MUC7: variants seen among roughly 807,000 people sequenced by gnomAD.
MUC7 encodes mucin-7.
A neutral mutation model predicts 2.5 loss-of-function variants in MUC7; 2 were observed. The observed-to-expected ratio is 0.81, with a 90% CI of 0.33 to 2.55. The LOEUF (loss-of-function observed/expected upper bound fraction) is 2.55. Among genes scored for constraint, MUC7 ranks in the 30% most tolerant of loss-of-function variants. MUC7 has a pLI of 0.11. For missense variants in MUC7, 408 were observed against 455.6 expected (o/e 0.90, Z 0.95); for synonymous variants, 133 against 173.4 (o/e 0.77, Z 1.83).
In MUC7 at chr4:70,465,375, G is replaced by C. The variant is rs1470970874; in HGVS notation, c.-92-6840G>C. ...AGGATCACAACTCCTTGCCAGCAAG[G>C]GAACAAAAGTGGACAGAGAATGAGT... is the stretch of plus-strand genomic sequence containing the variant. On this transcript the variant is annotated intron_variant, in intron 1 of 3. Transcript: ENST00000413702. 2.0e-5 allele frequency among the ~76,000 whole-genome samples: 3 copies of C among 152,132 alleles called. No individual in the cohort carries two copies. In the East Asian group the frequency reaches 5.8e-4, roughly 29 times the overall value.
chr4:70,481,802 A>G lies in MUC7; in HGVS notation c.1058A>G (p.Gln353Arg). ...TTKQPTSAPG[Q>R]NKISRFLLYM... is the part of the protein sequence containing the mutation. Reference sequence around the variant, plus strand: ...AAACAACCAACTTCAGCTCCTGGCCAAAATAAAATTTCTCGATTTCTTTTA... The same window carrying G: ...AAACAACCAACTTCAGCTCCTGGCCGAAATAAAATTTCTCGATTTCTTTTA... Residue 353 changes from glutamine to arginine, a missense_variant, in exon 3 of 3, where the codon CAA becomes CGA. Physicochemically the swap from Gln to Arg is conservative, Grantham distance 43. Transcript: ENST00000304887. The G allele has an allele frequency of 1.2e-6, 2 of 1,614,180 alleles. No individual in the cohort carries two copies. The highest frequency in any genetic ancestry group is 2.2e-5 in the South Asian group (2 of 91,090).
In MUC7 at chr4:70,481,622, C is replaced by A; in HGVS notation, c.878C>A (p.Ala293Asp). ...CCCACACCTTCTGCAACTACACCAGCTCCACCGTCTTCCCCAGCTCCACAA... is the reference window on the plus strand; with the variant it reads ...CCCACACCTTCTGCAACTACACCAGATCCACCGTCTTCCCCAGCTCCACAA... ...APPTPSATTP[A>D]PPSSPAPQET... The change falls in exon 3 of 3, where the codon GCT (alanine) becomes GAT (aspartate). Residue 293 changes from alanine (A) to aspartate (D), a missense_variant. By Grantham distance (126) the Ala-to-Asp change is moderately radical (BLOSUM62 -2). This residue lies in a region of MUC7 where 175 missense variants were observed against 187.1 expected (regional missense o/e 0.94). Coordinates refer to ENST00000304887, the MANE Select transcript of MUC7 (RefSeq NM_152291.3). 1.2e-6 allele frequency: 2 copies of A among 1,613,270 alleles called. No homozygotes were observed. Among genetic ancestry groups the A allele is most frequent in the Non-Finnish European group, 1.7e-6 (2 of 1,179,778 alleles).
chr4:70,451,487 G>A (rs111361567), intron 1 of MUC7, among the ~76,000 whole-genome samples: 145 of 152,268 alleles, frequency 9.5e-4, no homozygotes, highest in Middle Eastern at 3.4e-3. Context: ...TCCTTGTTGG[G>A]GGGTTATGAT....
chr4:70,446,704 A>T (rs1009981603), intron 1 of MUC7, among the ~76,000 whole-genome samples: 1 of 152,112 alleles, frequency 6.6e-6, no homozygotes, highest in Admixed American at 6.6e-5. Flanking sequence ...TCAATCTATA[A>T]CACCATTTAC....
intron 1 of MUC7, among the ~76,000 whole-genome samples, chr4:70,466,162 C>T (rs1050342023): frequency 3.3e-5 from 5 of 152,132 alleles, no homozygotes; most frequent in Admixed American, 3.3e-4. Context: ...CCAAACTAAG[C>T]TTCATAAGTG....
At chr4:70,431,523 G>C (rs1733666000) in intron 1 of MUC7, among the ~76,000 whole-genome samples, 1 of 152,008 alleles carries the variant, frequency 6.6e-6, no homozygotes, top group African/African-American at 2.4e-5. Context: ...AACTATTCTA[G>C]AAGTATATAA....
At chr4:70,431,855 G>A (rs547373797) in intron 1 of MUC7, among the ~76,000 whole-genome samples, 23 of 151,984 alleles carry the variant, frequency 1.5e-4, no homozygotes, top group Admixed American at 7.9e-4. Flanking sequence ...CCATTAACTC[G>A]TCAGTAACAT....
At position 70,474,011 on chromosome 4, in the gene MUC7, C is replaced by T. The variant is rs2306948; in HGVS notation, c.-11C>T. Reference sequence around the variant, plus strand: ...CCACATTTCTGCTTTTCCCAGGAGACATCAGAAAGAATGAAAACTCTGCCG... The same window carrying T: ...CCACATTTCTGCTTTTCCCAGGAGATATCAGAAAGAATGAAAACTCTGCCG... On this transcript the variant is annotated 5_prime_UTR_variant, in exon 2 of 3. Coordinates refer to ENST00000304887, the MANE Select transcript of MUC7 (RefSeq NM_152291.3). The T allele has an allele frequency of 0.16, 263,238 of 1,602,568 alleles. 23,521 individuals are homozygous for T. Among genetic ancestry groups the T allele is most frequent in the African/African-American group, 0.27 (20,432 of 74,502 alleles).
chr4:70,482,124 C>T lies in MUC7; in HGVS notation c.*246C>T, dbSNP rs537964850. On this transcript the variant is annotated 3_prime_UTR_variant, in exon 3 of 3. Transcript: ENST00000304887. The stretch of plus-strand genomic sequence containing the variant: ...AACTCTTTGGATCCTACAGAGATAG[C>T]CTACTGAGGGCAAAGAAAGTCCTTA... 3 of 497,462 alleles carry T rather than the reference C, an allele frequency of 6.0e-6. No individual in the cohort carries two copies. Among genetic ancestry groups the T allele is most frequent in the Admixed American group, 3.6e-5 (1 of 27,756 alleles). 30.8% of individuals were successfully genotyped at this position (497,462 alleles called of 1,614,324 possible). A position where few individuals can be genotyped will look rare whatever the true frequency, so the allele number is the denominator to read the frequency against.
intron 1 of MUC7, among the ~76,000 whole-genome samples, chr4:70,454,710 A>G (rs1734372908): frequency 6.6e-6 from 1 of 152,150 alleles, no homozygotes; most frequent in South Asian, 2.1e-4. Flanking sequence ...GGGGACTATC[A>G]GTGGAGGCTT....
chr4:70,460,903 A>T (rs1037299221), intron 1 of MUC7, among the ~76,000 whole-genome samples: 3 of 152,196 alleles, frequency 2.0e-5, no homozygotes, highest in Non-Finnish European at 2.9e-5. Flanking sequence ...TGAGGGACTC[A>T]GTGCAAGTTC....
chr4:70,464,350 G>A (rs957544673), intron 1 of MUC7, among the ~76,000 whole-genome samples: 1 of 152,304 alleles, frequency 6.6e-6, no homozygotes, highest in Non-Finnish European at 1.5e-5. Flanking sequence ...GCTAGCTGCA[G>A]AAGTTTTTTT....
chr4:70,470,491 T>C (rs1734809447), upstream of MUC7, among the ~76,000 whole-genome samples: 2 of 152,184 alleles, frequency 1.3e-5, no homozygotes, highest in Admixed American at 6.5e-5. Context: ...TCATAATATG[T>C]CCAGATATTC....
At chr4:70,461,177 C>A (rs1229364444) in intron 1 of MUC7, among the ~76,000 whole-genome samples, 1 of 152,186 alleles carries the variant, frequency 6.6e-6, no homozygotes. Flanking sequence ...ACTGTAGTGG[C>A]CTCTCCTAGA....
intron 2 of MUC7, among the ~76,000 whole-genome samples, chr4:70,479,238 C>A (rs1015575315): frequency 6.6e-6 from 1 of 152,142 alleles, no homozygotes; most frequent in Non-Finnish European, 1.5e-5. Context: ...AATTCTATGA[C>A]CTCTTTGCTT....
Position 70,465,003 on chromosome 4 carries a change from G to A in MUC7, c.-92-7212G>A, listed in dbSNP as rs145379088. On this transcript the variant is annotated intron_variant, in intron 1 of 3. Transcript: ENST00000413702. Reference sequence around the variant, plus strand: ...CAGACACCTCATTTAGGAGAGTTCCGGTTGGCATCTGGCAAGTGCCCCTCT... The same window carrying A: ...CAGACACCTCATTTAGGAGAGTTCCAGTTGGCATCTGGCAAGTGCCCCTCT... 9.9e-5 allele frequency among the ~76,000 whole-genome samples: 15 copies of A among 152,192 alleles called. No individual in the cohort carries two copies. In the South Asian group the frequency reaches 1.5e-3, roughly 15 times the overall value.
At chr4:70,464,561 G>C (rs1344882199) in intron 1 of MUC7, among the ~76,000 whole-genome samples, 1 of 152,142 alleles carries the variant, frequency 6.6e-6, no homozygotes, top group East Asian at 1.9e-4. Flanking sequence ...GCGTGGTCGG[G>C]GGAGGGGAAT....
At chr4:70,453,898 C>A (rs1734353301) in intron 1 of MUC7, among the ~76,000 whole-genome samples, 1 of 152,112 alleles carries the variant, frequency 6.6e-6, no homozygotes, top group African/African-American at 2.4e-5. Flanking sequence ...TTCAAGACAG[C>A]AGGTTCTTTT....
intron 1 of MUC7, among the ~76,000 whole-genome samples, chr4:70,432,451 A>G (rs1220297566): frequency 2.0e-5 from 3 of 152,210 alleles, no homozygotes; most frequent in Non-Finnish European, 4.4e-5. Context: ...AACTGGTGTG[A>G]GATGGTATCT....
Sources: allele counts gnomAD v4.1 joint callset (sites outside exome capture counted in the v4.1 genomes callset), GRCh38; gene constraint gnomAD v4.1.1; regional missense constraint gnomAD v4.1.1; transcripts MANE v1.5; gene names NCBI Gene and HGNC (gene_info 2026-07-23, HGNC 2026-07-21).